Variants in EVL observed in about 807,000 individuals in gnomAD.
EVL encodes the protein ena/VASP-like protein.
In EVL, 21 loss-of-function variants were observed where a neutral mutation model predicts 59.6. The observed-to-expected ratio is 0.35, with a 90% CI of 0.25 to 0.51. EVL has a LOEUF of 0.51. EVL is among the 20% of genes least tolerant of loss of function. The pLI, the probability that EVL is intolerant of heterozygous loss-of-function variation, is 0.97. For missense variants in EVL, 462 were observed against 546.6 expected, an observed-to-expected ratio of 0.85 and a Z score of 1.54; for synonymous variants, 198 against 203.5, an observed-to-expected ratio of 0.97 and a Z score of 0.23.
intron 1 of EVL, among the ~76,000 whole-genome samples, chr14:100,069,010 G>A (rs1190965): frequency 0.78 from 118,912 of 152,080 alleles, 47,657 homozygotes; most frequent in Non-Finnish European, 0.87. Flanking sequence ...ATCTTCTAAC[G>A]TATTATAGAA....
At chr14:100,100,483 C>T (rs1418770356) in intron 3 of EVL, among the ~76,000 whole-genome samples, 3 of 152,106 alleles carry the variant, frequency 2.0e-5, no homozygotes, top group African/African-American at 4.8e-5. Flanking sequence ...CACGTGTGTG[C>T]GCAGTTCCCA....
chr14:100,111,860 G>C (rs1270616218), intron 3 of EVL, among the ~76,000 whole-genome samples: 2 of 152,212 alleles, frequency 1.3e-5, no homozygotes, highest in Non-Finnish European at 2.9e-5. Context: ...CCAGAGCCCA[G>C]ATGTTCTGAT....
intron 1 of EVL, among the ~76,000 whole-genome samples, chr14:99,999,995 G>C (rs748574058): frequency 6.6e-6 from 1 of 152,172 alleles, no homozygotes; most frequent in Non-Finnish European, 1.5e-5. Flanking sequence ...TGTGTTACCT[G>C]GCATTTTTGG....
At chr14:100,134,984 CAAGAA>C (rs1156804316) in intron 8 of EVL, 4 of 152,222 alleles carry the variant, frequency 2.6e-5, no homozygotes, top group African/African-American at 9.6e-5. Context: ...AAATAACATA[CAAGAA>C]AAGATGATAA....
intron 3 of EVL, 111 bp from the exon 4 acceptor site, chr14:100,123,428 G>C: frequency 9.9e-7 from 1 of 1,012,250 alleles, no homozygotes; most frequent in Non-Finnish European, 1.5e-6. Flanking sequence ...AGATTCTTAA[G>C]GATGTCTCTT....
intron 1 of EVL, among the ~76,000 whole-genome samples, chr14:100,022,135 CCTA>C (rs1051840444): frequency 6.6e-6 from 1 of 151,998 alleles, no homozygotes; most frequent in African/African-American, 2.4e-5. Context: ...AGCAGTTCTT[CCTA>C]CATGAATATA....
intron 1 of EVL, among the ~76,000 whole-genome samples, chr14:99,993,554 A>C (rs1291311633): frequency 6.6e-6 from 1 of 151,994 alleles, no homozygotes; most frequent in African/African-American, 2.4e-5. Flanking sequence ...GAGTTTGAGG[A>C]TTGATGTTAA....
intron 1 of EVL, among the ~76,000 whole-genome samples, chr14:100,028,122 T>TTTTG (rs150168613): frequency 0.065 from 8,754 of 135,128 alleles, 351 homozygotes; most frequent in African/African-American, 0.092. Flanking sequence ...TTAGTTGTTT[T>TTTTG]TTTGTTTGTT....
Position 100,130,597 on chromosome 14 carries a change from C to G in EVL, c.839+913C>G, listed in dbSNP as rs780007440. 1.4e-4 allele frequency among the ~76,000 whole-genome samples: 22 copies of G among 152,178 alleles called. No individual in the cohort carries two copies. The highest frequency in any genetic ancestry group is 2.6e-4 in the Non-Finnish European group (18 of 68,020). On this transcript the variant is annotated intron_variant, in intron 7 of 13. Coordinates refer to ENST00000392920, the MANE Select transcript of EVL (RefSeq NM_016337.3). The surrounding 1 kb of genome is among the most constrained non-coding windows in gnomAD (Gnocchi z 4.8). ...CTGACCCAAGTGAGAACTCTGTGTG[C>G]CCAGGGTCTTCACACTGCAGTCCTA...
chr14:99,979,930 G>A (rs577524211), intron 1 of EVL, among the ~76,000 whole-genome samples: 5 of 152,142 alleles, frequency 3.3e-5, no homozygotes, highest in South Asian at 2.1e-4. Flanking sequence ...TACTGAACAC[G>A]TACTGATATT....
chr14:100,011,362 G>A (rs1458872922), intron 1 of EVL, among the ~76,000 whole-genome samples: 9 of 152,164 alleles, frequency 5.9e-5, no homozygotes, highest in African/African-American at 1.7e-4. Context: ...ATAGAAAATT[G>A]ATGTTACAAA....
chr14:99,975,300 A>G (rs1162352513), intron 1 of EVL, among the ~76,000 whole-genome samples: 2 of 152,204 alleles, frequency 1.3e-5, no homozygotes, highest in Admixed American at 6.5e-5. Context: ...TTTGGTTTTC[A>G]GCAATTTTTC....
intron 1 of EVL, among the ~76,000 whole-genome samples, chr14:99,973,220 T>G (rs2140164412): frequency 6.6e-6 from 1 of 152,302 alleles, no homozygotes; most frequent in East Asian, 1.9e-4. Context: ...GTTGCCAAAG[T>G]GGTTCTACGA....
intron 6 of EVL, among the ~76,000 whole-genome samples, chr14:100,129,013 A>G (rs1474977380): frequency 6.6e-6 from 1 of 152,220 alleles, no homozygotes. Flanking sequence ...AAATTGAAGC[A>G]CAAAGAGCAC....
intron 13 of EVL, 118 bp from the exon 14 acceptor site, chr14:100,143,583 C>A: frequency 7.8e-7 from 1 of 1,279,380 alleles, no homozygotes; most frequent in South Asian, 1.3e-5. Context: ...GTGGGGCTCC[C>A]AGGAGATGGA....
intron 4 of EVL, 86 bp downstream of exon 4, chr14:100,123,688 C>G: frequency 1.4e-6 from 2 of 1,413,326 alleles, no homozygotes; most frequent in Non-Finnish European, 2.0e-6. Context: ...GAGGATGCAC[C>G]AGCAGCCAAG....
chr14:100,071,879 A>G lies in EVL; in HGVS notation c.11+6368A>G, dbSNP rs569388254. 1.1e-4 allele frequency among the ~76,000 whole-genome samples: 17 copies of G among 152,294 alleles called. No individual in the cohort carries two copies. The East Asian group carries it at 2.7e-3, about 24-fold the overall frequency. On this transcript the variant is annotated intron_variant, in intron 1 of 13. Transcript: ENST00000392920. ...GGGAACCTACTTCTCACAGGCCTGAAGTACTTCACAATAAACATTTTAAGT... is the reference window on the plus strand; with the variant it reads ...GGGAACCTACTTCTCACAGGCCTGAGGTACTTCACAATAAACATTTTAAGT...
chr14:100,027,313 T>G (rs72711907), intron 1 of EVL, among the ~76,000 whole-genome samples: 8,755 of 152,260 alleles, frequency 0.058, 287 homozygotes, highest in Admixed American at 0.089. Context: ...TTAACTCTTG[T>G]TGCCCTATTG....
Position 100,129,685 on chromosome 14 carries a change from G to A in EVL, c.839+1G>A. The A allele has an allele frequency of 6.4e-7, 1 of 1,566,560 alleles. No homozygotes were observed. Among genetic ancestry groups the A allele is most frequent in the Non-Finnish European group, 8.7e-7 (1 of 1,154,314 alleles). On this transcript the variant is annotated splice_donor_variant, in intron 7 of 13. Coordinates refer to ENST00000392920, the MANE Select transcript of EVL (RefSeq NM_016337.3). LOFTEE classifies it high-confidence loss of function. ...AAATGAACAAACTGCTGGCCAAGAG[G>A]TGGGTCTCTACACCTCCCGAGACTT...
Sources: gnomAD v4.1 joint callset for allele counts (sites outside exome capture counted in the v4.1 genomes callset) on GRCh38, gnomAD v4.1.1 for gene constraint, Gnocchi (gnomAD v3.1) non-coding constraint, MANE v1.5 for transcripts, NCBI Gene and HGNC (gene_info 2026-07-23, HGNC 2026-07-21) for gene names.